PLCE1: variants seen among roughly 807,000 people sequenced by gnomAD.
PLCE1 encodes 1-phosphatidylinositol 4,5-bisphosphate phosphodiesterase epsilon-1.
PLCE1 carries 119 observed loss-of-function variants against 242.8 expected under a neutral mutation model. The observed-to-expected ratio is 0.49, with a 90% CI of 0.42 to 0.57. The LOEUF is 0.57. Among genes scored for constraint, PLCE1 ranks in the 20% least tolerant of loss-of-function variants. The probability of loss-of-function intolerance (pLI) is 0.00; values close to 1 mark genes in which losing one functional copy is unlikely to be tolerated. For synonymous variants in PLCE1, 945 were observed against 1,017.4 expected, an observed-to-expected ratio of 0.93 and a Z score of 1.35; for missense variants, 2,441 against 2,788.8, an observed-to-expected ratio of 0.88 and a Z score of 2.81.
chr10:94,158,854 CTTTTTTTTTT>C (rs35760715), intron 3 of PLCE1, among the ~76,000 whole-genome samples: 1 of 111,536 alleles, frequency 9.0e-6, no homozygotes, highest in Non-Finnish European at 1.8e-5. Flanking sequence ...TCTTCTTTTT[CTTTTTTTTTT>C]TTTTTTTTTG....
intron 14 of PLCE1, among the ~76,000 whole-genome samples, chr10:94,264,184 G>C (rs1426941476): frequency 6.6e-6 from 1 of 152,196 alleles, no homozygotes; most frequent in African/African-American, 2.4e-5. Context: ...GGGCTGAGGA[G>C]AGTAAGCAAA....
intron 4 of PLCE1, among the ~76,000 whole-genome samples, chr10:94,204,819 G>A (rs1244533135): frequency 1.3e-5 from 2 of 149,970 alleles, no homozygotes; most frequent in African/African-American, 4.9e-5. Flanking sequence ...AATGTGTGCT[G>A]TAGAAAATGA....
At chr10:94,105,660 C>T (rs546732816) in intron 2 of PLCE1, 1 of 152,320 alleles carries the variant, frequency 6.6e-6, no homozygotes, top group Non-Finnish European at 1.5e-5. Flanking sequence ...TGTTGGCACA[C>T]TGAAAGCACT....
intron 4 of PLCE1, among the ~76,000 whole-genome samples, chr10:94,220,376 T>TTATATATATTTATATATATA (rs2049688620): frequency 8.1e-5 from 5 of 61,876 alleles, no homozygotes; most frequent in Non-Finnish European, 1.5e-4. Context: ...ACTAAACATT[T>TTATATATATTTATATATATA]TATATATATA....
rs142022516 is a variant in PLCE1, at chr10:94,268,899, C to T, written c.4282-30C>T. The T allele has an allele frequency of 0.014, 17,625 of 1,300,320 alleles. 147 individuals are homozygous for T. Among genetic ancestry groups the T allele is most frequent in the Non-Finnish European group, 0.018 (16,027 of 894,120 alleles). 80.5% of individuals were successfully genotyped at this position (1,300,320 alleles called of 1,614,324 possible). On this transcript the variant is annotated intron_variant, in intron 16 of 32. Transcript: ENST00000371380. ...CGAGGCTTTATCTCCAGGTGCTCAC[C>T]TGGGGTGGATTCGCTCATTGATCAC...
chr10:94,261,818 T>G (rs2051308509), intron 13 of PLCE1, among the ~76,000 whole-genome samples: 1 of 152,144 alleles, frequency 6.6e-6, no homozygotes, highest in South Asian at 2.1e-4. Context: ...AATGCTTATA[T>G]TAAACAGTAA....
intron 3 of PLCE1, among the ~76,000 whole-genome samples, chr10:94,151,518 G>C (rs1324307050): frequency 1.3e-5 from 2 of 152,214 alleles, no homozygotes; most frequent in Non-Finnish European, 2.9e-5. Context: ...TCTTGACTTT[G>C]AGATGCTGGG....
At chr10:94,319,471 C>T (rs2053701372) in intron 29 of PLCE1, among the ~76,000 whole-genome samples, 1 of 152,288 alleles carries the variant, frequency 6.6e-6, no homozygotes, top group South Asian at 2.1e-4. Context: ...TTCAGTTGCT[C>T]TCTGTGACCT....
At chr10:94,124,314 G>A (rs1222096758) in intron 2 of PLCE1, among the ~76,000 whole-genome samples, 1 of 151,196 alleles carries the variant, frequency 6.6e-6, no homozygotes, top group African/African-American at 2.4e-5. Flanking sequence ...AGAGGTCAAG[G>A]CTGCAGTGAG....
chr10:94,088,894 C>T (rs2044947955), intron 2 of PLCE1: 1 of 454,636 alleles, frequency 2.2e-6, no homozygotes, highest in African/African-American at 2.0e-5. Flanking sequence ...TACTAAAACG[C>T]AAGGACATTT....
intron 3 of PLCE1, among the ~76,000 whole-genome samples, chr10:94,158,859 T>G (rs899549634): frequency 6.9e-6 from 1 of 144,192 alleles, no homozygotes; most frequent in African/African-American, 2.5e-5. Flanking sequence ...TTTTTCTTTT[T>G]TTTTTTTTTT....
chr10:94,307,018 C>T (rs1475280259), intron 26 of PLCE1, among the ~76,000 whole-genome samples: 6 of 152,110 alleles, frequency 3.9e-5, no homozygotes. Context: ...GGAAACATGT[C>T]AGAGGGGTCG....
chr10:94,171,493 T>A lies in PLCE1; in HGVS notation c.1806T>A (p.Asn602Lys). ...TTGAAGATCTGGTGATGAGGTTTAA[T>A]GAGGTAAGAAGCCACTTTTTGATGT... ...NALEDLVMRF[N>K]EVSSWVTWLI... Residue 602 changes from asparagine to lysine, a missense_variant, in exon 4 of 33, where the codon AAT (asparagine) becomes AAA (lysine). By Grantham distance (94) the Asn-to-Lys change is moderately conservative (BLOSUM62 0). Around this residue, in one of 5 missense-constraint regions of PLCE1, gnomAD observed 733 missense variants for 754.2 expected, o/e 0.97. Transcript: ENST00000371380. The A allele has an allele frequency of 6.2e-7, 1 of 1,613,674 alleles. No individual in the cohort carries two copies. Among genetic ancestry groups the A allele is most frequent in the East Asian group, 2.2e-5 (1 of 44,880 alleles).
At chr10:94,261,912 C>T (rs981819142) in intron 13 of PLCE1, among the ~76,000 whole-genome samples, 2 of 152,086 alleles carry the variant, frequency 1.3e-5, no homozygotes, top group African/African-American at 4.8e-5. Context: ...GCCTGAATTT[C>T]ACCTAAGTCC....
At chr10:94,170,846 A>G (rs999135087) in intron 3 of PLCE1, among the ~76,000 whole-genome samples, 2 of 152,184 alleles carry the variant, frequency 1.3e-5, no homozygotes, top group Non-Finnish European at 2.9e-5. Flanking sequence ...GATGGTAGTT[A>G]GCAAAGGAGG....
chr10:94,264,579 T>A (rs1354418973), intron 14 of PLCE1, among the ~76,000 whole-genome samples: 1 of 137,684 alleles, frequency 7.3e-6, no homozygotes, highest in African/African-American at 2.8e-5. Flanking sequence ...TGGAGGGCAG[T>A]GGCGCGATCT....
chr10:94,275,409 A>G lies in PLCE1; in HGVS notation c.4665+1689A>G, dbSNP rs145617824. 7.2e-5 allele frequency among the ~76,000 whole-genome samples: 11 copies of G among 152,322 alleles called. No individual in the cohort carries two copies. The East Asian group carries it at 2.1e-3, about 29-fold the overall frequency. ...ATTTGTGGATATTCTTGAATTCGTC[A>G]ATCTGAAAATGTGATTTCCAGAACT... is the stretch of plus-strand genomic sequence containing the variant. On this transcript the variant is annotated intron_variant, in intron 19 of 32. Coordinates refer to ENST00000371380, the MANE Select transcript of PLCE1 (RefSeq NM_016341.4).
intron 2 of PLCE1, among the ~76,000 whole-genome samples, chr10:94,102,026 G>C (rs755208342): frequency 1.3e-5 from 2 of 152,204 alleles, no homozygotes; most frequent in Non-Finnish European, 2.9e-5. Flanking sequence ...GATTCTGACA[G>C]GGAATCTGAG....
chr10:94,264,468 T>A (rs1248437956), intron 14 of PLCE1, among the ~76,000 whole-genome samples: 1 of 150,048 alleles, frequency 6.7e-6, no homozygotes, highest in South Asian at 2.1e-4. Flanking sequence ...CCATGTGAAA[T>A]GGGATACCAC....
Sources: allele counts gnomAD v4.1 joint callset (sites outside exome capture counted in the v4.1 genomes callset), GRCh38; gene constraint gnomAD v4.1.1; regional missense constraint gnomAD v4.1.1; transcripts MANE v1.5; gene names NCBI Gene and HGNC (gene_info 2026-07-23, HGNC 2026-07-21).